HCRTR2: variants seen among roughly 807,000 people sequenced by gnomAD.
HCRTR2 encodes hypocretin receptor 2.
A neutral mutation model predicts 49.0 loss-of-function variants in HCRTR2; 22 were observed. The ratio of observed to expected loss-of-function variants is 0.45; its 90% confidence interval spans 0.32 to 0.64. HCRTR2 has a LOEUF of 0.64. Among genes scored for constraint, HCRTR2 ranks in the 30% least tolerant of loss-of-function variants. The pLI is 0.04. For synonymous variants in HCRTR2, 236 were observed against 205.3 expected (o/e 1.15, Z -1.28); for missense variants, 491 against 559.4 (o/e 0.88, Z 1.23).
intron 1 of HCRTR2, among the ~76,000 whole-genome samples, chr6:55,208,319 T>TAAAAATAAAAAAAAAAAAAAA (rs1562007245): frequency 7.9e-6 from 1 of 126,736 alleles, no homozygotes; most frequent in Non-Finnish European, 1.7e-5. Context: ...CTACGAAAAA[T>TAAAAATAAAAAAAAAAAAAAA]AAAAAAATAA....
intron 1 of HCRTR2, among the ~76,000 whole-genome samples, chr6:55,222,003 A>C (rs1367119161): frequency 6.6e-6 from 1 of 151,868 alleles, no homozygotes; most frequent in Non-Finnish European, 1.5e-5. Flanking sequence ...AAATAAAAAG[A>C]AAAAACAGAG....
intron 1 of HCRTR2, among the ~76,000 whole-genome samples, chr6:55,230,734 G>A (rs971720413): frequency 1.4e-4 from 22 of 152,020 alleles, no homozygotes; most frequent in Admixed American, 1.0e-3. Flanking sequence ...TTGAAACGTC[G>A]TCTTCCATAA....
chr6:55,231,794 A>G (rs1012219276), intron 1 of HCRTR2, among the ~76,000 whole-genome samples: 3 of 152,200 alleles, frequency 2.0e-5, no homozygotes, highest in Non-Finnish European at 4.4e-5. Flanking sequence ...TAAATGCTGT[A>G]TCAATCTAGC....
At chr6:55,121,311 TG>T in intron 1 of HCRTR2, among the ~76,000 whole-genome samples, 1 of 152,288 alleles carries the variant, frequency 6.6e-6, no homozygotes, top group East Asian at 1.9e-4. Context: ...TTGTGATTTT[TG>T]CACATTGATT....
At chr6:55,209,904 G>A (rs1283469891) in intron 1 of HCRTR2, among the ~76,000 whole-genome samples, 5 of 152,042 alleles carry the variant, frequency 3.3e-5, no homozygotes, top group East Asian at 1.9e-4. Context: ...TGTCATTTGC[G>A]TCTTCGAAGA....
intron 1 of HCRTR2, among the ~76,000 whole-genome samples, chr6:55,215,679 T>C (rs1765774649): frequency 6.6e-6 from 1 of 152,156 alleles, no homozygotes; most frequent in African/African-American, 2.4e-5. Flanking sequence ...TAACATACCA[T>C]GTGTGGAGGG....
chr6:55,281,204 A>G (rs1469444351), intron 6 of HCRTR2, among the ~76,000 whole-genome samples: 1 of 152,160 alleles, frequency 6.6e-6, no homozygotes, highest in Non-Finnish European at 1.5e-5. Flanking sequence ...TTTGTGGCAT[A>G]TTTAATAAAG....
chr6:55,131,716 A>G (rs1764357173), intron 1 of HCRTR2, among the ~76,000 whole-genome samples: 1 of 151,872 alleles, frequency 6.6e-6, no homozygotes, highest in Non-Finnish European at 1.5e-5. Context: ...TGCTAAGAAT[A>G]GAATTAATCT....
Position 55,174,685 on chromosome 6 carries a change from A to T in HCRTR2, c.98A>T (p.Asp33Val). 6.2e-7 allele frequency: 1 copy of T among 1,614,060 alleles called. No individual in the cohort carries two copies. Among genetic ancestry groups the T allele is most frequent in the Non-Finnish European group, 8.5e-7 (1 of 1,180,004 alleles). The change falls in exon 1 of 7, where the codon GAC becomes GTC. Residue 33 changes from aspartate (D) to valine (V), a missense_variant. Transcript: ENST00000370862. ...ETQEPFLNPT[D>V]YDDEEFLRYL... ...CAAGAGCCCTTTTTAAACCCCACCGACTATGACGACGAGGAATTCCTGCGG... is the reference window on the plus strand; with the variant it reads ...CAAGAGCCCTTTTTAAACCCCACCGTCTATGACGACGAGGAATTCCTGCGG...
chr6:55,121,507 C>G (rs1162580614), intron 1 of HCRTR2, among the ~76,000 whole-genome samples: 1 of 150,562 alleles, frequency 6.6e-6, no homozygotes, highest in African/African-American at 2.4e-5. Context: ...ACTTCCAACA[C>G]TATGTTGAGA....
intron 1 of HCRTR2, among the ~76,000 whole-genome samples, chr6:55,194,896 A>G (rs1765383402): frequency 6.6e-6 from 1 of 152,112 alleles, no homozygotes. Context: ...ACACAATTTT[A>G]TGGCTTTAAA....
At chr6:55,184,099 T>C (rs1194487813) in intron 1 of HCRTR2, among the ~76,000 whole-genome samples, 7 of 152,070 alleles carry the variant, frequency 4.6e-5, no homozygotes, top group Non-Finnish European at 1.0e-4. Context: ...AGCTAATTTT[T>C]TGAATTCTTA....
At chr6:55,229,001 A>G (rs1766063159) in intron 1 of HCRTR2, among the ~76,000 whole-genome samples, 1 of 152,120 alleles carries the variant, frequency 6.6e-6, no homozygotes, top group Non-Finnish European at 1.5e-5. Context: ...GTTACTGTGC[A>G]TGTGGACGAG....
chr6:55,262,077 G>C (rs148705856), intron 3 of HCRTR2, among the ~76,000 whole-genome samples: 121 of 151,800 alleles, frequency 8.0e-4, no homozygotes, highest in African/African-American at 2.7e-3. Context: ...GGATGCAAAG[G>C]CATAAGAATG....
intron 1 of HCRTR2, among the ~76,000 whole-genome samples, chr6:55,217,206 G>T (rs1765804122): frequency 6.6e-6 from 1 of 151,994 alleles, no homozygotes; most frequent in Admixed American, 6.5e-5. Flanking sequence ...CATGAGAGGG[G>T]GCAGTCTTAA....
intron 1 of HCRTR2, among the ~76,000 whole-genome samples, chr6:55,224,139 A>G (rs1765951669): frequency 6.6e-6 from 1 of 152,230 alleles, no homozygotes; most frequent in South Asian, 2.1e-4. Context: ...ATTTTCTTAA[A>G]TAAATTTTGT....
At chr6:55,171,069 T>C (rs1160371754), upstream of HCRTR2, among the ~76,000 whole-genome samples, 1 of 152,152 alleles carries the variant, frequency 6.6e-6, no homozygotes, top group South Asian at 2.1e-4. Flanking sequence ...TATAGCAGCA[T>C]GATTTATAAT....
At chr6:55,266,531 A>T (rs549367853) in intron 4 of HCRTR2, among the ~76,000 whole-genome samples, 2 of 152,192 alleles carry the variant, frequency 1.3e-5, no homozygotes, top group African/African-American at 4.8e-5. Flanking sequence ...AGGAATAAAG[A>T]TATTTTAGAT....
chr6:55,187,682 CTTTT>C (rs5876430), intron 1 of HCRTR2, among the ~76,000 whole-genome samples: 27 of 102,234 alleles, frequency 2.6e-4, no homozygotes, highest in Admixed American at 1.4e-3. Flanking sequence ...ATTATTTGAT[CTTTT>C]TTTTTTTTTT....
Sources: gnomAD v4.1 joint callset for allele counts (sites outside exome capture counted in the v4.1 genomes callset) on GRCh38, gnomAD v4.1.1 for gene constraint, MANE v1.5 for transcripts, NCBI Gene and HGNC (gene_info 2026-07-23, HGNC 2026-07-21) for gene names.